LDLRAD3: variants seen among roughly 807,000 people sequenced by gnomAD.
The protein encoded by LDLRAD3 is low-density lipoprotein receptor class A domain-containing protein 3.
A neutral mutation model predicts 29.4 loss-of-function variants in LDLRAD3; 20 were observed. The observed-to-expected ratio is 0.68, with a 90% CI of 0.48 to 0.99. The LOEUF is 0.99. Ranked by LOEUF, LDLRAD3 falls within the 50% of genes least tolerant of loss-of-function variation. The probability of loss-of-function intolerance (pLI) is 0.00; values close to 1 mark genes in which losing one functional copy is unlikely to be tolerated. For missense variants in LDLRAD3, 420 were observed against 454.3 expected (o/e 0.92, Z 0.69); for synonymous variants, 157 against 192.7 (o/e 0.81, Z 1.53).
At chr11:36,056,256 G>T (rs938096934) in intron 2 of LDLRAD3, among the ~76,000 whole-genome samples, 2 of 152,144 alleles carry the variant, frequency 1.3e-5, no homozygotes, top group African/African-American at 4.8e-5. Flanking sequence ...GCCTCCCAAA[G>T]TGCTGGGTTT....
At chr11:36,022,293 C>T (rs1272142634) in intron 1 of LDLRAD3, among the ~76,000 whole-genome samples, 3 of 152,064 alleles carry the variant, frequency 2.0e-5, no homozygotes, top group Non-Finnish European at 4.4e-5. Context: ...TACATCTAGT[C>T]TTTATATCAT....
intron 1 of LDLRAD3, among the ~76,000 whole-genome samples, chr11:35,949,014 TCATTACTGTG>T (rs1851097362): frequency 6.6e-6 from 1 of 151,774 alleles, no homozygotes; most frequent in African/African-American, 2.4e-5. Flanking sequence ...TTACTGTGCA[TCATTACTGTG>T]CATCATTACT....
intron 1 of LDLRAD3, among the ~76,000 whole-genome samples, chr11:36,009,711 G>T (rs1234994395): frequency 1.3e-5 from 2 of 152,174 alleles, no homozygotes; most frequent in Admixed American, 1.3e-4. Context: ...TTCAATCCAT[G>T]CAGAAAATTC....
intron 1 of LDLRAD3, among the ~76,000 whole-genome samples, chr11:35,956,767 T>G (rs1339982330): frequency 1.3e-5 from 2 of 152,216 alleles, no homozygotes; most frequent in African/African-American, 4.8e-5. Context: ...GACGGAGTCT[T>G]GCTCTGTTTC....
chr11:35,991,920 G>C (rs554451526), intron 1 of LDLRAD3, among the ~76,000 whole-genome samples: 6 of 144,072 alleles, frequency 4.2e-5, no homozygotes, highest in Admixed American at 4.0e-4. Flanking sequence ...GGGAGGCTCA[G>C]AGTTTTGGCC....
intron 4 of LDLRAD3, among the ~76,000 whole-genome samples, chr11:36,142,603 T>A (rs992903768): frequency 6.6e-6 from 1 of 152,054 alleles, no homozygotes; most frequent in East Asian, 1.9e-4. Flanking sequence ...CCTCCTGCAC[T>A]TAGTCTTAAG....
chr11:36,080,311 A>G (rs965354647), intron 2 of LDLRAD3, among the ~76,000 whole-genome samples: 3 of 152,214 alleles, frequency 2.0e-5, no homozygotes, highest in African/African-American at 7.2e-5. Context: ...ATTACCCCAC[A>G]GGGCTGTTTG....
intron 1 of LDLRAD3, among the ~76,000 whole-genome samples, chr11:36,003,988 C>T (rs1230685931): frequency 6.6e-6 from 1 of 152,156 alleles, no homozygotes; most frequent in Non-Finnish European, 1.5e-5. Context: ...GGGAAATCTG[C>T]CCCATGATCC....
intron 1 of LDLRAD3, among the ~76,000 whole-genome samples, chr11:36,004,403 C>T (rs1365041417): frequency 2.6e-5 from 4 of 152,178 alleles, no homozygotes; most frequent in African/African-American, 4.8e-5. Flanking sequence ...AAATGATCCC[C>T]TTTGACTCCA....
chr11:36,202,453 G>A (rs1855141127), intron 4 of LDLRAD3, among the ~76,000 whole-genome samples: 1 of 152,176 alleles, frequency 6.6e-6, no homozygotes, highest in Admixed American at 6.5e-5. Context: ...CAGAGATGCT[G>A]ACCACTTGAC....
intron 4 of LDLRAD3, among the ~76,000 whole-genome samples, chr11:36,128,376 A>C (rs995141256): frequency 1.3e-4 from 20 of 151,964 alleles, no homozygotes; most frequent in African/African-American, 4.6e-4. Flanking sequence ...TGGATGCTTC[A>C]ACAAGTGAAG....
At chr11:36,092,504 C>A (rs1241097655) in intron 3 of LDLRAD3, among the ~76,000 whole-genome samples, 2 of 152,152 alleles carry the variant, frequency 1.3e-5, no homozygotes, top group Non-Finnish European at 2.9e-5. Flanking sequence ...TTCTCTTCAT[C>A]TCTTTATCTT....
intron 1 of LDLRAD3, among the ~76,000 whole-genome samples, chr11:35,954,744 A>G (rs1055388314): frequency 6.6e-6 from 1 of 152,244 alleles, no homozygotes. Flanking sequence ...AAAGACAAAG[A>G]AAAAGAGGCC....
At chr11:36,075,747 T>A (rs1852988652) in intron 2 of LDLRAD3, among the ~76,000 whole-genome samples, 1 of 152,218 alleles carries the variant, frequency 6.6e-6, no homozygotes, top group Admixed American at 6.5e-5. Flanking sequence ...CCTTTTTACT[T>A]ACTTATTCAA....
intron 2 of LDLRAD3, among the ~76,000 whole-genome samples, chr11:36,067,777 C>A: frequency 6.6e-6 from 1 of 152,160 alleles, no homozygotes; most frequent in Non-Finnish European, 1.5e-5. Flanking sequence ...CTGAAGCGAT[C>A]CTCCCACCCC....
chr11:35,982,848 C>CTTT (rs61605411), intron 1 of LDLRAD3, among the ~76,000 whole-genome samples: 145 of 88,742 alleles, frequency 1.6e-3, no homozygotes, highest in Non-Finnish European at 2.3e-3. Flanking sequence ...CTGTTTGCTG[C>CTTT]TTTTTTTTTT....
intron 2 of LDLRAD3, among the ~76,000 whole-genome samples, chr11:36,054,990 G>C (rs1416139932): frequency 2.1e-5 from 3 of 143,298 alleles, no homozygotes; most frequent in Admixed American, 6.9e-5. Context: ...TGGATGGATG[G>C]ATGGATGGAT....
chr11:36,047,957 G>A (rs189439572), intron 2 of LDLRAD3, among the ~76,000 whole-genome samples: 42 of 152,282 alleles, frequency 2.8e-4, no homozygotes, highest in Admixed American at 2.5e-3. Flanking sequence ...GGAAATGGGA[G>A]CAGATGTGAA....
chr11:36,190,788 A>G (rs1314130443), intron 4 of LDLRAD3, among the ~76,000 whole-genome samples: 1 of 152,204 alleles, frequency 6.6e-6, no homozygotes, highest in Non-Finnish European at 1.5e-5. Flanking sequence ...ATTTCAGAAC[A>G]TTGGGCAAAA....
Sources: gnomAD v4.1 joint callset for allele counts (sites outside exome capture counted in the v4.1 genomes callset) on GRCh38, gnomAD v4.1.1 for gene constraint, MANE v1.5 for transcripts, NCBI Gene and HGNC (gene_info 2026-07-23, HGNC 2026-07-21) for gene names.